Variants in ARMC2 observed in about 807,000 individuals in gnomAD.
The protein encoded by ARMC2 is armadillo repeat containing 2.
A neutral mutation model predicts 90.3 loss-of-function variants in ARMC2; 67 were observed. The ratio of observed to expected loss-of-function variants is 0.74; its 90% CI spans 0.61 to 0.91. The LOEUF (loss-of-function observed/expected upper bound fraction) is 0.91. ARMC2 is among the 40% of genes least tolerant of loss of function. ARMC2 has a pLI of 0.00. For synonymous variants in ARMC2, 393 were observed against 393.0 expected (o/e 1.00, Z 0.00); for missense variants, 920 against 1,030.9 (o/e 0.89, Z 1.47).
At chr6:109,023,709 A>T in the ARMC2 span, among the ~76,000 whole-genome samples, 1 of 152,346 alleles carries the variant, frequency 6.6e-6, no homozygotes, top group African/African-American at 2.4e-5. Flanking sequence ...CACATAGAAT[A>T]CTAAAGAGAA....
chr6:108,904,505 T>C, intron 8 of ARMC2, 100 bp downstream of exon 8: 1 of 1,175,190 alleles, frequency 8.5e-7, no homozygotes, highest in South Asian at 1.9e-5. Context: ...AAATGCAGTG[T>C]ATTTGTTTAG....
chr6:108,987,905 C>T, the ARMC2 span, among the ~76,000 whole-genome samples: 2 of 150,764 alleles, frequency 1.3e-5, no homozygotes, highest in African/African-American at 4.9e-5. Context: ...TGGGTTCAAG[C>T]GATTCTCATG....
At chr6:108,913,894 C>A (rs902470689) in intron 10 of ARMC2, among the ~76,000 whole-genome samples, 1 of 152,202 alleles carries the variant, frequency 6.6e-6, no homozygotes, top group Admixed American at 6.5e-5. Flanking sequence ...GCCCTTCTCT[C>A]TCCTCATTTA....
chr6:108,908,785 C>T (rs547518942), intron 8 of ARMC2, among the ~76,000 whole-genome samples: 4 of 152,090 alleles, frequency 2.6e-5, no homozygotes, highest in South Asian at 4.1e-4. Context: ...AGAGAAATGT[C>T]GTAGCCGGGC....
At chr6:109,026,933 G>A in the ARMC2 span, among the ~76,000 whole-genome samples, 1 of 152,122 alleles carries the variant, frequency 6.6e-6, no homozygotes, top group African/African-American at 2.4e-5. Flanking sequence ...CAGCACTTCA[G>A]GAGCCCAGGA....
the ARMC2 span, among the ~76,000 whole-genome samples, chr6:108,993,383 G>A: frequency 6.6e-6 from 1 of 152,038 alleles, no homozygotes; most frequent in Admixed American, 6.6e-5. Context: ...AAGACTTTCT[G>A]GACTATCATC....
intron 13 of ARMC2, among the ~76,000 whole-genome samples, chr6:108,955,812 A>G (rs1383236457): frequency 6.6e-6 from 1 of 152,208 alleles, no homozygotes; most frequent in Middle Eastern, 3.2e-3. Context: ...ATGTCTGCTG[A>G]AGCTCTTTCC....
chr6:109,020,405 A>T, the ARMC2 span, among the ~76,000 whole-genome samples: 4 of 152,326 alleles, frequency 2.6e-5, no homozygotes, highest in Admixed American at 6.5e-5. Context: ...GTTAAAAAAA[A>T]TTTTGTGGGA....
the ARMC2 span, among the ~76,000 whole-genome samples, chr6:108,985,882 T>A: frequency 6.6e-6 from 1 of 152,214 alleles, no homozygotes; most frequent in African/African-American, 2.4e-5. Context: ...ATATAAAACA[T>A]ATTGAAGATA....
Position 108,899,690 on chromosome 6 carries a change from G to A in ARMC2, c.749-4G>A, listed in dbSNP as rs1771930492. 6.2e-7 allele frequency: 1 copy of A among 1,611,200 alleles called. No homozygotes were observed. Among genetic ancestry groups the A allele is most frequent in the Non-Finnish European group, 8.5e-7 (1 of 1,178,488 alleles). ...TTTTCTCCTGCTCTGGATTTCTTTT[G>A]CAGTCCCAAAAGCTGACCTGCAAGA... On this transcript the variant is annotated splice_region_variant and splice_polypyrimidine_tract_variant and intron_variant, in intron 6 of 17. Transcript: ENST00000392644.
At chr6:108,918,318 G>C (rs1774192097) in intron 10 of ARMC2, among the ~76,000 whole-genome samples, 1 of 152,012 alleles carries the variant, frequency 6.6e-6, no homozygotes, top group Admixed American at 6.5e-5. Context: ...GAGCGTGTAG[G>C]AGAAGAGGGA....
the ARMC2 span, among the ~76,000 whole-genome samples, chr6:109,042,127 C>T: frequency 2.6e-5 from 4 of 151,644 alleles, no homozygotes; most frequent in Non-Finnish European, 4.4e-5. Flanking sequence ...GAGGAGGTAT[C>T]GGGGAGATTT....
chr6:108,876,748 A>G (rs1252822563), intron 5 of ARMC2, among the ~76,000 whole-genome samples: 4 of 152,228 alleles, frequency 2.6e-5, no homozygotes, highest in Admixed American at 2.6e-4. Context: ...AAGAGTGGAC[A>G]CTTATTTTAT....
At chr6:108,851,836 G>GT (rs1774046583) in intron 1 of ARMC2, among the ~76,000 whole-genome samples, 1 of 152,142 alleles carries the variant, frequency 6.6e-6, no homozygotes, top group South Asian at 2.1e-4. Flanking sequence ...GGTTAATTGA[G>GT]ATAATGCAGT....
intron 12 of ARMC2, among the ~76,000 whole-genome samples, chr6:108,937,755 C>G (rs752654989): frequency 6.6e-6 from 1 of 151,934 alleles, no homozygotes; most frequent in Non-Finnish European, 1.5e-5. Context: ...AGTGCAGTGG[C>G]GATATCTTGG....
the ARMC2 span, among the ~76,000 whole-genome samples, chr6:109,029,351 T>TAC: frequency 6.6e-6 from 1 of 152,200 alleles, no homozygotes; most frequent in Non-Finnish European, 1.5e-5. Flanking sequence ...TGCACTTGAT[T>TAC]TATGGCAATT....
the ARMC2 span, among the ~76,000 whole-genome samples, chr6:109,035,343 A>C: frequency 2.0e-5 from 3 of 152,190 alleles, no homozygotes. Context: ...AGAAATGTAC[A>C]TTAAATTTTC....
chr6:108,950,162 C>T lies in ARMC2; in HGVS notation c.1597-2871C>T, dbSNP rs150267853. On this transcript the variant is annotated intron_variant, in intron 12 of 17. Transcript: ENST00000392644. Reference sequence around the variant, plus strand: ...CGGAGGTTGCTGTGAGCTGAGATTGCACCACTACACTCTAGCCTGGGCGAC... The same window carrying T: ...CGGAGGTTGCTGTGAGCTGAGATTGTACCACTACACTCTAGCCTGGGCGAC... 4.7e-3 allele frequency among the ~76,000 whole-genome samples: 710 copies of T among 152,182 alleles called. 9 individuals are homozygous for T. The highest frequency in any genetic ancestry group is 0.016 in the African/African-American group (650 of 41,508).
At chr6:108,924,360 A>G (rs978436497) in intron 10 of ARMC2, among the ~76,000 whole-genome samples, 1 of 152,276 alleles carries the variant, frequency 6.6e-6, no homozygotes, top group South Asian at 2.1e-4. Context: ...TCTACTAAAA[A>G]TACAAAAATT....
Sources: gnomAD v4.1 joint callset for allele counts (sites outside exome capture counted in the v4.1 genomes callset) on GRCh38, gnomAD v4.1.1 for gene constraint, MANE v1.5 for transcripts, NCBI Gene and HGNC (gene_info 2026-07-23, HGNC 2026-07-21) for gene names.